Variants in DKK2 observed in about 807,000 individuals in gnomAD.
DKK2 encodes dickkopf-related protein 2.
A neutral mutation model predicts 28.1 loss-of-function variants in DKK2; 11 were observed. The observed-to-expected ratio is 0.39, with a 90% CI of 0.25 to 0.65. DKK2 has a LOEUF of 0.65. Ranked by LOEUF, DKK2 falls within the 30% of genes least tolerant of loss-of-function variation. DKK2 has a pLI of 0.47. For missense variants in DKK2, 326 were observed against 335.5 expected (o/e 0.97, Z 0.22); for synonymous variants, 135 against 126.5 (o/e 1.07, Z -0.45).
At chr4:106,974,126 C>T (rs1299692249) in intron 1 of DKK2, among the ~76,000 whole-genome samples, 3 of 152,102 alleles carry the variant, frequency 2.0e-5, no homozygotes, top group Non-Finnish European at 4.4e-5. Context: ...CAGTACCATG[C>T]TGTTTTGGTT....
intron 1 of DKK2, among the ~76,000 whole-genome samples, chr4:106,958,127 A>G (rs912299960): frequency 6.6e-6 from 1 of 150,442 alleles, no homozygotes; most frequent in African/African-American, 2.4e-5. Context: ...ATATATTTTA[A>G]AAGTATATTA....
intron 1 of DKK2, among the ~76,000 whole-genome samples, chr4:106,960,231 C>T (rs1211678157): frequency 1.3e-5 from 2 of 150,990 alleles, no homozygotes; most frequent in African/African-American, 4.9e-5. Context: ...ATATGGAATA[C>T]TACTCAGCCA....
At chr4:106,991,141 T>G (rs750433803) in intron 1 of DKK2, among the ~76,000 whole-genome samples, 17 of 152,174 alleles carry the variant, frequency 1.1e-4, no homozygotes, top group Non-Finnish European at 2.4e-4. Context: ...AACAATAAGT[T>G]TTTATATCAA....
intron 1 of DKK2, among the ~76,000 whole-genome samples, chr4:106,951,764 T>C (rs1018315759): frequency 2.6e-5 from 4 of 152,186 alleles, no homozygotes; most frequent in Admixed American, 6.5e-5. Flanking sequence ...AAAATGTTAA[T>C]AGCTCTTAGT....
At chr4:106,983,894 A>C (rs1723075450) in intron 1 of DKK2, among the ~76,000 whole-genome samples, 1 of 152,234 alleles carries the variant, frequency 6.6e-6, no homozygotes, top group Non-Finnish European at 1.5e-5. Flanking sequence ...AATGCAAATT[A>C]AAACCACAAT....
At position 107,010,816 on chromosome 4, in the gene DKK2, A is replaced by G. The variant is rs140958652; in HGVS notation, c.222+24554T>C. Among the ~76,000 whole-genome samples the G allele has an allele frequency of 9.8e-3, 1,482 of 151,512 alleles. 13 individuals are homozygous for G. Among genetic ancestry groups the G allele is most frequent in the Non-Finnish European group, 0.015 (1,010 of 67,556 alleles). ...GCTTTTGTTTATATTTGTTGTATCT[A>G]TCAATAGTTACCATATTAGAAAATA... On this transcript the variant is annotated intron_variant, in intron 1 of 3. Transcript: ENST00000285311.
At chr4:106,980,465 TAGAC>T (rs1489869794) in intron 1 of DKK2, among the ~76,000 whole-genome samples, 2 of 152,168 alleles carry the variant, frequency 1.3e-5, no homozygotes, top group Non-Finnish European at 1.5e-5. Flanking sequence ...TATGTTTGCT[TAGAC>T]AAAGTAAAGC....
chr4:107,032,327 C>G (rs987407447), intron 1 of DKK2, among the ~76,000 whole-genome samples: 10 of 151,910 alleles, frequency 6.6e-5, no homozygotes, highest in Admixed American at 5.9e-4. Flanking sequence ...GATTTTCTCT[C>G]TCTAAATTTT....
chr4:106,983,380 G>GAAAGAAAGA (rs1560585877), intron 1 of DKK2, among the ~76,000 whole-genome samples: 22 of 147,934 alleles, frequency 1.5e-4, no homozygotes, highest in African/African-American at 4.0e-4. Flanking sequence ...AGAAAGAAAA[G>GAAAGAAAGA]AAAGAAAAGA....
intron 1 of DKK2, among the ~76,000 whole-genome samples, chr4:106,932,790 G>T (rs920973548): frequency 6.6e-6 from 1 of 152,100 alleles, no homozygotes; most frequent in East Asian, 1.9e-4. Flanking sequence ...TTCCAAATCT[G>T]GGATTTATAG....
At chr4:106,966,588 T>G (rs1012452014) in intron 1 of DKK2, among the ~76,000 whole-genome samples, 1 of 152,186 alleles carries the variant, frequency 6.6e-6, no homozygotes, top group Non-Finnish European at 1.5e-5. Flanking sequence ...TGGGTTCTCT[T>G]TTCTTTAAAC....
In DKK2 at chr4:107,035,503, C is replaced by T; in HGVS notation, c.89G>A (p.Ser30Asn). 1 of 1,614,190 alleles carries T rather than the reference C, an allele frequency of 6.2e-7. No homozygotes were observed. The highest frequency in any genetic ancestry group is 8.5e-7 in the Non-Finnish European group (1 of 1,180,048). ...VLMVESSQIG[S>N]SRAKLNSIKS... ...GATGGAGTTGAGTTTGGCCCGCGAA[C>T]TGCCGATCTGTGAGCTCTCCACCAT... The change falls in exon 1 of 4, where the codon AGT becomes AAT. Residue 30 changes from serine to asparagine, a missense_variant. Physicochemically the swap from Ser to Asn is conservative, Grantham distance 46 (BLOSUM62 1). Coordinates refer to ENST00000285311, the MANE Select transcript of DKK2 (RefSeq NM_014421.3).
chr4:106,933,473 T>A (rs1724531383), intron 1 of DKK2, among the ~76,000 whole-genome samples: 2 of 152,160 alleles, frequency 1.3e-5, no homozygotes, highest in Admixed American at 1.3e-4. Context: ...AAATAACACA[T>A]AACACACACA....
rs1461117065 is a variant in DKK2, at chr4:106,922,528, C to A, written c.*1426G>T. On this transcript the variant is annotated 3_prime_UTR_variant, in exon 4 of 4. Transcript: ENST00000285311. ...AATGGCTGCAGAAAACCGAAACTAG[C>A]CCTTTGGCAATAAAGCAGATGCTGC... 6.6e-6 allele frequency: 1 copy of A among 152,136 alleles called. No homozygotes were observed. The highest frequency in any genetic ancestry group is 1.5e-5 in the Non-Finnish European group (1 of 68,038). The allele number at this position is 152,136 out of a possible 1,614,324, so 9.4% of individuals were successfully genotyped here. A position where few individuals can be genotyped will look rare whatever the true frequency, so the allele number is the denominator to read the frequency against.
intron 1 of DKK2, among the ~76,000 whole-genome samples, chr4:107,023,721 AAAG>A (rs1179403466): frequency 6.6e-6 from 1 of 152,098 alleles, no homozygotes; most frequent in Admixed American, 6.5e-5. Flanking sequence ...GAAGCTAGGG[AAAG>A]AAGGAGGTAA....
At position 106,970,892 on chromosome 4, in the gene DKK2, G is replaced by C. The variant is rs17037161; in HGVS notation, c.223-44943C>G. On this transcript the variant is annotated intron_variant, in intron 1 of 3. Transcript: ENST00000285311. The stretch of plus-strand genomic sequence containing the variant: ...GCTATTAAATGCAATCAAGCACTTT[G>C]AGAAGGACTAGAGAGGTGAAGTTTC... Among the ~76,000 whole-genome samples the C allele has an allele frequency of 6.6e-3, 999 of 152,218 alleles. 13 individuals are homozygous for C. Among genetic ancestry groups the C allele is most frequent in the African/African-American group, 0.023 (951 of 41,540 alleles).
At chr4:106,970,760 A>G (rs959325754) in intron 1 of DKK2, among the ~76,000 whole-genome samples, 2 of 152,060 alleles carry the variant, frequency 1.3e-5, no homozygotes, top group East Asian at 3.9e-4. Flanking sequence ...TTTAATCCAG[A>G]TGGTGCAGGT....
At chr4:106,999,951 A>G (rs530574611) in intron 1 of DKK2, among the ~76,000 whole-genome samples, 1 of 152,334 alleles carries the variant, frequency 6.6e-6, no homozygotes, top group South Asian at 2.1e-4. Context: ...CACTACAAAA[A>G]TGCATAAATG....
At chr4:107,026,087 G>A (rs1723775044) in intron 1 of DKK2, among the ~76,000 whole-genome samples, 1 of 152,218 alleles carries the variant, frequency 6.6e-6, no homozygotes, top group Non-Finnish European at 1.5e-5. Flanking sequence ...AAATGAGCAA[G>A]TTAAATTAGG....
Sources: allele counts gnomAD v4.1 joint callset (sites outside exome capture counted in the v4.1 genomes callset), GRCh38; gene constraint gnomAD v4.1.1; transcripts MANE v1.5; gene names NCBI Gene and HGNC (gene_info 2026-07-23, HGNC 2026-07-21).